SORCS2: variants seen among roughly 807,000 people sequenced by gnomAD.
SORCS2 encodes the protein sortilin related VPS10 domain containing receptor 2.
A neutral mutation model predicts 141.6 loss-of-function variants in SORCS2; 100 were observed. That is an observed-to-expected ratio of 0.71 (90% CI 0.60 to 0.83). The LOEUF is 0.83. Ranked by LOEUF, SORCS2 falls within the 40% of genes least tolerant of loss-of-function variation. The pLI is 0.00. For missense variants in SORCS2, 1,646 were observed against 1,560.2 expected, an observed-to-expected ratio of 1.05 and a Z score of -0.93; for synonymous variants, 789 against 676.9, an observed-to-expected ratio of 1.17 and a Z score of -2.57.
chr4:7,693,294 C>G (rs961290305), intron 11 of SORCS2, among the ~76,000 whole-genome samples: 4 of 152,232 alleles, frequency 2.6e-5, no homozygotes, highest in Non-Finnish European at 4.4e-5. Flanking sequence ...GTTTCCTGCT[C>G]CACACCTTCG....
chr4:7,368,026 T>G (rs1254150543), intron 1 of SORCS2, among the ~76,000 whole-genome samples: 2 of 152,230 alleles, frequency 1.3e-5, no homozygotes, highest in African/African-American at 4.8e-5. Flanking sequence ...CTTAGGGGAT[T>G]GGAGCACTGT....
At chr4:7,731,949 A>G (rs1234555898) in intron 23 of SORCS2, among the ~76,000 whole-genome samples, 1 of 152,190 alleles carries the variant, frequency 6.6e-6, no homozygotes, top group Non-Finnish European at 1.5e-5. Flanking sequence ...AAATAGACAA[A>G]CAGGATGTCA....
chr4:7,349,168 A>G (rs144524473), intron 1 of SORCS2, among the ~76,000 whole-genome samples: 2 of 152,250 alleles, frequency 1.3e-5, no homozygotes, highest in East Asian at 1.9e-4. Flanking sequence ...CGCTGTGTCT[A>G]CGAGGAAGCT....
Position 7,723,717 on chromosome 4 carries a change from G to C in SORCS2, c.2445G>C (p.Lys815Asn). Reference protein sequence around the residue: ...RQEQGDVLTTKYQVDLGDGFK... With the variant: ...RQEQGDVLTTNYQVDLGDGFK... ...TGCAGGGTGATGTCCTGACTACCAA[G>C]TACCAGGTAGACCTTGGGGACGGCT... The change falls in exon 19 of 27, where the codon AAG (lysine) becomes AAC (asparagine). Residue 815 changes from lysine (K) to asparagine (N), a missense_variant. Physicochemically the swap from Lys to Asn is moderately conservative, Grantham distance 94. Coordinates refer to ENST00000507866, the MANE Select transcript of SORCS2 (RefSeq NM_020777.3). 1.2e-6 allele frequency: 2 copies of C among 1,614,018 alleles called. No homozygotes were observed. The highest frequency in any genetic ancestry group is 1.7e-6 in the Non-Finnish European group (2 of 1,179,896).
intron 3 of SORCS2, among the ~76,000 whole-genome samples, chr4:7,586,721 C>T (rs1177390006): frequency 1.3e-5 from 2 of 152,204 alleles, no homozygotes; most frequent in Non-Finnish European, 2.9e-5. Context: ...TTTCTTTACC[C>T]AGTCTATCAT....
intron 1 of SORCS2, among the ~76,000 whole-genome samples, chr4:7,308,706 A>G (rs1300700869): frequency 6.6e-6 from 1 of 150,714 alleles, no homozygotes; most frequent in Non-Finnish European, 1.5e-5. Context: ...TCCCACCAGC[A>G]CCCTGTCCTC....
At chr4:7,305,999 G>A (rs1016612922) in intron 1 of SORCS2, among the ~76,000 whole-genome samples, 1 of 152,232 alleles carries the variant, frequency 6.6e-6, no homozygotes, top group African/African-American at 2.4e-5. Flanking sequence ...TGGCTGAGGA[G>A]TAGGACACAT....
intron 1 of SORCS2, among the ~76,000 whole-genome samples, chr4:7,270,026 C>T (rs1715010654): frequency 6.6e-6 from 1 of 152,208 alleles, no homozygotes; most frequent in Admixed American, 6.5e-5. Context: ...ACTACAAGTG[C>T]CTGCCACCAT....
intron 1 of SORCS2, among the ~76,000 whole-genome samples, chr4:7,391,447 C>A (rs1723860011): frequency 6.6e-6 from 1 of 152,178 alleles, no homozygotes; most frequent in Admixed American, 6.5e-5. Context: ...AGCAGAGGAC[C>A]CTCCTATGAG....
At chr4:7,706,072 C>CTGGGTTCCGTCTGGGCAGGGATGAGGT (rs1725421376) in intron 14 of SORCS2, among the ~76,000 whole-genome samples, 1 of 133,888 alleles carries the variant, frequency 7.5e-6, no homozygotes, top group Non-Finnish European at 1.6e-5. Flanking sequence ...AGGGATGAGG[C>CTGGGTTCCGTCTGGGCAGGGATGAGGT]TGGGCTCTGC....
intron 2 of SORCS2, among the ~76,000 whole-genome samples, chr4:7,519,971 C>A (rs1349987535): frequency 6.6e-6 from 1 of 152,228 alleles, no homozygotes; most frequent in East Asian, 1.9e-4. Context: ...AGTTAGGCCC[C>A]AGGGCTCCTG....
At chr4:7,525,677 A>C (rs1327408080) in intron 2 of SORCS2, among the ~76,000 whole-genome samples, 1 of 146,018 alleles carries the variant, frequency 6.8e-6, no homozygotes, top group African/African-American at 2.5e-5. Flanking sequence ...ACCTGTCCCC[A>C]ACTCAGTCAC....
intron 4 of SORCS2, among the ~76,000 whole-genome samples, chr4:7,644,456 G>T (rs1340742688): frequency 6.6e-6 from 1 of 152,206 alleles, no homozygotes; most frequent in African/African-American, 2.4e-5. Flanking sequence ...AAAAGTCTCT[G>T]CCTCACTTTC....
At chr4:7,478,860 G>A (rs1157873201) in intron 2 of SORCS2, among the ~76,000 whole-genome samples, 2 of 152,214 alleles carry the variant, frequency 1.3e-5, no homozygotes, top group Non-Finnish European at 2.9e-5. Flanking sequence ...CGAGGCCTGG[G>A]TCGGGGACCC....
intron 3 of SORCS2, among the ~76,000 whole-genome samples, chr4:7,573,185 T>C (rs1256762739): frequency 6.6e-6 from 1 of 152,210 alleles, no homozygotes; most frequent in Admixed American, 6.5e-5. Context: ...CAACAGCTCT[T>C]GAAAGCATAT....
At chr4:7,593,657 G>T (rs975598190) in intron 3 of SORCS2, among the ~76,000 whole-genome samples, 1 of 152,166 alleles carries the variant, frequency 6.6e-6, no homozygotes, top group African/African-American at 2.4e-5. Context: ...CAACCTGGGG[G>T]CGGGGGTGGG....
chr4:7,547,846 C>T (rs367846416), intron 3 of SORCS2, among the ~76,000 whole-genome samples: 50 of 152,376 alleles, frequency 3.3e-4, no homozygotes, highest in African/African-American at 1.0e-3. Context: ...GCACCTGGCA[C>T]CCTGCCTGGA....
At chr4:7,622,933 G>C (rs1719297639) in intron 3 of SORCS2, among the ~76,000 whole-genome samples, 1 of 152,082 alleles carries the variant, frequency 6.6e-6, no homozygotes, top group Non-Finnish European at 1.5e-5. Context: ...TGATGCGTCT[G>C]CTCTGGGGTC....
chr4:7,334,186 G>A (rs1016669887), intron 1 of SORCS2, among the ~76,000 whole-genome samples: 2 of 152,172 alleles, frequency 1.3e-5, no homozygotes, highest in African/African-American at 4.8e-5. Flanking sequence ...ACACAGGCAT[G>A]TTGGGTGCAG....
Sources: gnomAD v4.1 joint callset for allele counts (sites outside exome capture counted in the v4.1 genomes callset) on GRCh38, gnomAD v4.1.1 for gene constraint, MANE v1.5 for transcripts, NCBI Gene and HGNC (gene_info 2026-07-23, HGNC 2026-07-21) for gene names.